Variants in VPS13B observed in about 807,000 individuals in gnomAD.
The protein encoded by VPS13B is intermembrane lipid transfer protein VPS13B.
A neutral mutation model predicts 426.4 loss-of-function variants in VPS13B; 285 were observed. The observed-to-expected ratio is 0.67, with a 90% confidence interval of 0.61 to 0.74. VPS13B has a LOEUF of 0.74. Ranked by LOEUF, VPS13B falls within the 30% of genes least tolerant of loss-of-function variation. The pLI is 0.00. For synonymous variants in VPS13B, 1,676 were observed against 1,676.4 expected (o/e 1.00, Z 0.01); for missense variants, 4,537 against 4,782.6 (o/e 0.95, Z 1.51).
intron 29 of VPS13B, among the ~76,000 whole-genome samples, chr8:99,513,071 A>G (rs528798321): frequency 1.1e-4 from 16 of 151,952 alleles, no homozygotes; most frequent in South Asian, 2.1e-4. Context: ...TATTAAAATA[A>G]AATTACAGAA....
At chr8:99,159,345 T>C (rs2132631818) in intron 15 of VPS13B, among the ~76,000 whole-genome samples, 1 of 152,332 alleles carries the variant, frequency 6.6e-6, no homozygotes, top group Middle Eastern at 3.4e-3. Flanking sequence ...TAAAAAGTTC[T>C]ATAAACTTGG....
intron 33 of VPS13B, among the ~76,000 whole-genome samples, chr8:99,610,588 G>A (rs556808070): frequency 8.0e-5 from 12 of 150,918 alleles, no homozygotes; most frequent in Admixed American, 7.2e-4. Context: ...GGCCTGTCAG[G>A]GGGTGGGGGG....
In VPS13B at chr8:99,384,270, T is replaced by G. The variant is rs761581467; in HGVS notation, c.2887T>G (p.Trp963Gly). ...TAATATTGACCCAATCTTATATACGTGGCTCATCTATCAGCCTCAGAAACG... is the reference window on the plus strand; with the variant it reads ...TAATATTGACCCAATCTTATATACGGGGCTCATCTATCAGCCTCAGAAACG... Reference protein sequence around the residue: ...AVNIDPILYTWLIYQPQKRTS... With the variant: ...AVNIDPILYTGLIYQPQKRTS... The change falls in exon 20 of 62, where the codon TGG becomes GGG. Residue 963 changes from tryptophan (W) to glycine (G), a missense_variant. Around this residue, in one of 2 missense-constraint regions of VPS13B, gnomAD observed 4,311 missense variants for 4,474.3 expected, o/e 0.96. Transcript: ENST00000357162. The G allele has an allele frequency of 6.2e-7, 1 of 1,614,040 alleles. No individual in the cohort carries two copies. The highest frequency in any genetic ancestry group is 8.5e-7 in the Non-Finnish European group (1 of 1,179,952).
At chr8:99,112,128 A>G (rs1847400265) in intron 6 of VPS13B, among the ~76,000 whole-genome samples, 1 of 152,176 alleles carries the variant, frequency 6.6e-6, no homozygotes, top group Admixed American at 6.5e-5. Context: ...CTAAGCATAA[A>G]TATTGTTGTC....
chr8:99,609,546 CA>C (rs1827752612), intron 33 of VPS13B, among the ~76,000 whole-genome samples: 1 of 152,114 alleles, frequency 6.6e-6, no homozygotes, highest in Middle Eastern at 3.2e-3. Flanking sequence ...GTCAGTTCCT[CA>C]AACAAAAATG....
intron 19 of VPS13B, among the ~76,000 whole-genome samples, chr8:99,299,087 G>A (rs1164960567): frequency 6.6e-5 from 7 of 106,812 alleles, no homozygotes; most frequent in Non-Finnish European, 1.1e-4. Context: ...TTGAGACAGA[G>A]TTTCACTCTT....
At chr8:99,276,260 G>A (rs1818890226) in intron 19 of VPS13B, among the ~76,000 whole-genome samples, 1 of 152,064 alleles carries the variant, frequency 6.6e-6, no homozygotes, top group African/African-American at 2.4e-5. Flanking sequence ...ATTGAAAACT[G>A]GAAATTAGTA....
chr8:99,024,871 C>A (rs1480306958), intron 2 of VPS13B, among the ~76,000 whole-genome samples: 1 of 152,080 alleles, frequency 6.6e-6, no homozygotes, highest in African/African-American at 2.4e-5. Context: ...TGCATTGAAT[C>A]TGTAGATCTT....
intron 39 of VPS13B, among the ~76,000 whole-genome samples, chr8:99,764,460 C>G (rs1001855602): frequency 7.2e-6 from 1 of 138,088 alleles, no homozygotes; most frequent in African/African-American, 2.8e-5. Context: ...GTTGCCCAGG[C>G]TGGAGTGCAG....
intron 31 of VPS13B, among the ~76,000 whole-genome samples, chr8:99,575,165 T>TA (rs1033570020): frequency 1.1e-3 from 170 of 150,690 alleles, no homozygotes; most frequent in African/African-American, 3.6e-3. Context: ...GACCTTGTCT[T>TA]AAAAAAAAAT....
At chr8:99,776,564 G>A (rs558454714) in intron 40 of VPS13B, among the ~76,000 whole-genome samples, 1 of 152,138 alleles carries the variant, frequency 6.6e-6, no homozygotes, top group South Asian at 2.1e-4. Context: ...CAAAGTACTA[G>A]GATAACAAGC....
intron 31 of VPS13B, 148 bp from the exon 32 acceptor site, chr8:99,575,510 G>T: frequency 1.1e-6 from 1 of 917,384 alleles, no homozygotes; most frequent in Non-Finnish European, 1.6e-6. Flanking sequence ...GTTAAGAAAC[G>T]ATGACTGTAA....
At chr8:99,646,335 T>G (rs1381922147) in intron 34 of VPS13B, among the ~76,000 whole-genome samples, 2 of 152,086 alleles carry the variant, frequency 1.3e-5, no homozygotes, top group African/African-American at 4.8e-5. Flanking sequence ...GACAACATAG[T>G]GAGACCCCAT....
intron 40 of VPS13B, among the ~76,000 whole-genome samples, chr8:99,772,470 G>A (rs1306752311): frequency 6.6e-6 from 1 of 152,168 alleles, no homozygotes; most frequent in African/African-American, 2.4e-5. Flanking sequence ...GGAGGGGAGA[G>A]TAGGGAGTGA....
At chr8:99,031,025 A>G (rs1321087109) in intron 2 of VPS13B, among the ~76,000 whole-genome samples, 1 of 152,172 alleles carries the variant, frequency 6.6e-6, no homozygotes, top group Non-Finnish European at 1.5e-5. Context: ...TGTTTATATC[A>G]GTTAGCCTAG....
intron 33 of VPS13B, among the ~76,000 whole-genome samples, chr8:99,632,129 T>G (rs922613929): frequency 6.6e-6 from 1 of 151,926 alleles, no homozygotes; most frequent in Non-Finnish European, 1.5e-5. Flanking sequence ...GGTAATAGTG[T>G]TGTGAATGTG....
intron 15 of VPS13B, among the ~76,000 whole-genome samples, chr8:99,166,562 G>C (rs1588106747): frequency 6.6e-6 from 1 of 152,192 alleles, no homozygotes; most frequent in South Asian, 2.1e-4. Flanking sequence ...CCACAAAACA[G>C]AGCTGAAAGA....
chr8:99,483,486 A>G (rs1252136244), intron 25 of VPS13B, among the ~76,000 whole-genome samples: 2 of 152,172 alleles, frequency 1.3e-5, no homozygotes, highest in Non-Finnish European at 2.9e-5. Flanking sequence ...CACTTACTTA[A>G]CCAAAAGTTC....
intron 19 of VPS13B, among the ~76,000 whole-genome samples, chr8:99,336,046 C>T (rs1202785724): frequency 1.3e-5 from 2 of 152,198 alleles, no homozygotes; most frequent in South Asian, 2.1e-4. Context: ...AAAAAGAGCC[C>T]GCATCGCCAA....
Sources: gnomAD v4.1 joint callset for allele counts (sites outside exome capture counted in the v4.1 genomes callset) on GRCh38, gnomAD v4.1.1 for gene constraint, gnomAD v4.1.1 regional missense constraint, MANE v1.5 for transcripts, NCBI Gene and HGNC (gene_info 2026-07-23, HGNC 2026-07-21) for gene names.